HSD11B1: variants seen among roughly 807,000 people sequenced by gnomAD.
The protein encoded by HSD11B1 is 11-beta-hydroxysteroid dehydrogenase 1.
A neutral mutation model predicts 22.1 loss-of-function variants in HSD11B1; 15 were observed. That is an observed-to-expected ratio of 0.68 (90% CI 0.45 to 1.04). The LOEUF (loss-of-function observed/expected upper bound fraction) is 1.04. Ranked by LOEUF, HSD11B1 falls within the 50% of genes least tolerant of loss-of-function variation. The pLI, the probability that HSD11B1 is intolerant of heterozygous loss-of-function variation, is 0.00. For synonymous variants in HSD11B1, 122 were observed against 125.2 expected, an observed-to-expected ratio of 0.97 and a Z score of 0.17; for missense variants, 281 against 357.6, an observed-to-expected ratio of 0.79 and a Z score of 1.73.
At chr1:209,713,868 G>A (rs888777868) in intron 4 of HSD11B1, among the ~76,000 whole-genome samples, 9 of 152,112 alleles carry the variant, frequency 5.9e-5, no homozygotes, top group South Asian at 2.1e-4. Flanking sequence ...ATCCAAAGAC[G>A]CAAAATCCAT....
intron 4 of HSD11B1, among the ~76,000 whole-genome samples, chr1:209,716,657 A>C (rs1318959461): frequency 6.6e-6 from 1 of 152,214 alleles, no homozygotes; most frequent in Non-Finnish European, 1.5e-5. Flanking sequence ...ACCTGACTTG[A>C]AAATATATTA....
intron 1 of HSD11B1, among the ~76,000 whole-genome samples, chr1:209,691,089 A>G: frequency 6.6e-6 from 1 of 152,208 alleles, no homozygotes; most frequent in Non-Finnish European, 1.5e-5. Context: ...ATAGTTCACA[A>G]ACCAAGGGTC....
At chr1:209,705,728 T>C in intron 1 of HSD11B1, 83 bp from the exon 2 acceptor site, 1 of 1,562,384 alleles carries the variant, frequency 6.4e-7, no homozygotes, top group African/African-American at 1.4e-5. Flanking sequence ...CAAATTGCGA[T>C]AAGCATGCCT....
At chr1:209,689,018 C>T (rs2076743905) in intron 1 of HSD11B1, among the ~76,000 whole-genome samples, 2 of 152,160 alleles carry the variant, frequency 1.3e-5, no homozygotes, top group Admixed American at 1.3e-4. Context: ...TTGGCCTCTA[C>T]AGCTACTCCA....
intron 1 of HSD11B1, among the ~76,000 whole-genome samples, chr1:209,686,687 G>T (rs1260896626): frequency 1.3e-5 from 2 of 152,168 alleles, no homozygotes; most frequent in African/African-American, 4.8e-5. Context: ...TTTTAAAATC[G>T]GCTTTAAACC....
rs77006350 is a variant in HSD11B1, at chr1:209,731,125, A to T, written c.518-1311A>T. ...ATGCAAAGGGGTTATGCTGGAAAGG[A>T]GAGTCACAGTGGAGAAACACTGAAT... On this transcript the variant is annotated intron_variant, in intron 4 of 5. Coordinates refer to ENST00000367027, the MANE Select transcript of HSD11B1 (RefSeq NM_005525.4). Among the ~76,000 whole-genome samples, 1,279 of 152,360 alleles carry T rather than the reference A, an allele frequency of 8.4e-3. 12 individuals carry two copies. The highest frequency in any genetic ancestry group is 0.028 in the African/African-American group (1,164 of 41,582).
chr1:209,722,661 G>A (rs2076973797), intron 4 of HSD11B1, among the ~76,000 whole-genome samples: 1 of 152,140 alleles, frequency 6.6e-6, no homozygotes, highest in South Asian at 2.1e-4. Flanking sequence ...ACTGAGGAAG[G>A]ATTTTTAGGA....
chr1:209,719,050 A>G (rs984420637), intron 4 of HSD11B1, among the ~76,000 whole-genome samples: 3 of 148,904 alleles, frequency 2.0e-5, no homozygotes, highest in Non-Finnish European at 4.5e-5. Context: ...AAGAAAAGAA[A>G]AGAAAGCAGG....
chr1:209,692,075 TA>T (rs79594859), intron 1 of HSD11B1, among the ~76,000 whole-genome samples: 1,901 of 136,890 alleles, frequency 0.014, 21 homozygotes, highest in African/African-American at 0.033. Context: ...CTAGTTTATT[TA>T]AAAAAAAAAA....
intron 4 of HSD11B1, among the ~76,000 whole-genome samples, chr1:209,727,179 G>C (rs2077007642): frequency 1.3e-5 from 2 of 152,228 alleles, no homozygotes; most frequent in African/African-American, 4.8e-5. Context: ...TGGAGGCAGA[G>C]ACTGGAGTTG....
intron 4 of HSD11B1, among the ~76,000 whole-genome samples, chr1:209,729,617 C>T (rs2077023565): frequency 6.6e-6 from 1 of 152,118 alleles, no homozygotes; most frequent in Non-Finnish European, 1.5e-5. Flanking sequence ...GAAGGAGAGA[C>T]TGGCTTCTCC....
chr1:209,699,599 T>C, intron 1 of HSD11B1, among the ~76,000 whole-genome samples: 1 of 152,076 alleles, frequency 6.6e-6, no homozygotes, highest in East Asian at 1.9e-4. Flanking sequence ...ACCATATCAT[T>C]CCACCCCTGG....
At chr1:209,709,191 T>C (rs182901819) in intron 4 of HSD11B1, among the ~76,000 whole-genome samples, 3 of 152,330 alleles carry the variant, frequency 2.0e-5, no homozygotes, top group Admixed American at 6.5e-5. Flanking sequence ...ATACCTTAAG[T>C]TGTTTATTGA....
chr1:209,687,544 A>G (rs1241112125), intron 1 of HSD11B1, among the ~76,000 whole-genome samples: 1 of 152,228 alleles, frequency 6.6e-6, no homozygotes, highest in Non-Finnish European at 1.5e-5. Context: ...AGGTAATCTA[A>G]TTTATTTCTC....
rs1186674346 is a variant in HSD11B1 at position 209,734,652 on chromosome 1, C to G, written c.*131C>G. On this transcript the variant is annotated 3_prime_UTR_variant, in exon 6 of 6. Coordinates refer to ENST00000367027, the MANE Select transcript of HSD11B1 (RefSeq NM_005525.4). ...CATGCAAGTCATGGGTCACACCTGACAAATGGAAGGAGTTCCTCTAACATT... is the reference window on the plus strand; with the variant it reads ...CATGCAAGTCATGGGTCACACCTGAGAAATGGAAGGAGTTCCTCTAACATT... 2 of 740,918 alleles carry G rather than the reference C, an allele frequency of 2.7e-6. No homozygotes were observed. Among genetic ancestry groups the G allele is most frequent in the African/African-American group, 3.5e-5 (2 of 57,230 alleles). The allele number at this position is 740,918 out of a possible 1,614,324, so 45.9% of individuals were successfully genotyped here. A position where few individuals can be genotyped will look rare whatever the true frequency, so the allele number is the denominator to read the frequency against.
chr1:209,702,148 G>A (rs1483553325), upstream of HSD11B1, among the ~76,000 whole-genome samples: 1 of 152,200 alleles, frequency 6.6e-6, no homozygotes, highest in Non-Finnish European at 1.5e-5. Context: ...TGAAACAGTT[G>A]TATTTCATTT....
At chr1:209,700,963 T>C (rs188565427), upstream of HSD11B1, among the ~76,000 whole-genome samples, 2 of 152,346 alleles carry the variant, frequency 1.3e-5, no homozygotes, top group East Asian at 3.9e-4. Context: ...GACCTTATTG[T>C]TCATATCACT....
chr1:209,701,299 T>C (rs551579078), upstream of HSD11B1, among the ~76,000 whole-genome samples: 535 of 152,174 alleles, frequency 3.5e-3, 6 homozygotes, highest in African/African-American at 0.012. Flanking sequence ...TACATGGCAG[T>C]AGCAAGAGAA....
chr1:209,727,006 G>A lies in HSD11B1; in HGVS notation c.518-5430G>A, dbSNP rs182142582. ...CAAAAGATATATCCACCTAGATCCT[G>A]TGAACGTGACCTTAAGTGGACACAT... On this transcript the variant is annotated intron_variant, in intron 4 of 5. Coordinates refer to ENST00000367027, the MANE Select transcript of HSD11B1 (RefSeq NM_005525.4). Among the ~76,000 whole-genome samples the A allele has an allele frequency of 2.4e-3, 365 of 152,306 alleles. 5 individuals carry two copies. The highest frequency in any genetic ancestry group is 8.4e-3 in the African/African-American group (351 of 41,560).
Sources: gnomAD v4.1 joint callset for allele counts (sites outside exome capture counted in the v4.1 genomes callset) on GRCh38, gnomAD v4.1.1 for gene constraint, MANE v1.5 for transcripts, NCBI Gene and HGNC (gene_info 2026-07-23, HGNC 2026-07-21) for gene names.